Variants in TAF5 observed in about 807,000 individuals in gnomAD.
TAF5 encodes the protein transcription initiation factor TFIID subunit 5.
TAF5 carries 20 observed loss-of-function variants against 80.9 expected under a neutral mutation model. The observed-to-expected ratio is 0.25, with a 90% confidence interval of 0.17 to 0.36. The LOEUF (loss-of-function observed/expected upper bound fraction) is 0.36, where lower values mean the gene tolerates loss of function less well. Among genes scored for constraint, TAF5 ranks in the 10% least tolerant of loss-of-function variants. The pLI is 1.00. For missense variants in TAF5, 863 were observed against 1,029.4 expected (o/e 0.84, Z 2.21); for synonymous variants, 388 against 406.4 (o/e 0.95, Z 0.55).
rs2093349310 is a variant in TAF5, at chr10:103,368,122, A to G, written c.133A>G (p.Asn45Asp). ...CGGCGGCACTACCAACAACGGCCCC[A>G]ACGGCGGCGGCGGGAACGTTGCGGC... is the stretch of plus-strand genomic sequence containing the variant. ...GSGGTTNNGP[N>D]GGGGNVAASS... Residue 45 changes from asparagine to aspartate, a missense_variant, in exon 1 of 11, where the codon AAC (asparagine) becomes GAC (aspartate). Asn to Asp is a conservative substitution (Grantham distance 23). This residue lies in a region of TAF5 where 367 missense variants were observed against 335.5 expected (regional missense o/e 1.09). Transcript: ENST00000369839. 1 of 1,403,734 alleles carries G rather than the reference A, an allele frequency of 7.1e-7. No individual in the cohort carries two copies. Among genetic ancestry groups the G allele is most frequent in the Middle Eastern group, 1.9e-4 (1 of 5,390 alleles). The allele number at this position is 1,403,734 out of a possible 1,614,324, so 87.0% of individuals were successfully genotyped here.
At position 103,378,228 on chromosome 10, in the gene TAF5, G is replaced by A; in HGVS notation, c.798-7G>A. ...TGAAAAATGACTTTTTAAAATCACT[G>A]AAACAGGTTCCATGGAGATCAGGAA... is the stretch of plus-strand genomic sequence containing the variant. On this transcript the variant is annotated splice_region_variant and splice_polypyrimidine_tract_variant and intron_variant, in intron 2 of 10. Transcript: ENST00000369839. The surrounding 1 kb of genome is among the most constrained non-coding windows in gnomAD (Gnocchi z 4.1). 1 of 1,606,824 alleles carries A rather than the reference G, an allele frequency of 6.2e-7. No individual in the cohort carries two copies. Among genetic ancestry groups the A allele is most frequent in the Non-Finnish European group, 8.5e-7 (1 of 1,175,594 alleles).
At chr10:103,384,462 T>C (rs1282160498) in intron 7 of TAF5, among the ~76,000 whole-genome samples, 1 of 152,080 alleles carries the variant, frequency 6.6e-6, no homozygotes, top group Non-Finnish European at 1.5e-5. Flanking sequence ...AAATCCTGTC[T>C]CCACTAAAAA....
intron 1 of TAF5, 40 bp downstream of exon 1, chr10:103,368,588 G>A (rs1409710451): frequency 2.8e-6 from 4 of 1,452,698 alleles, no homozygotes; most frequent in Non-Finnish European, 2.7e-6. Flanking sequence ...CCGCCGCGAA[G>A]GGGAGCAAGC....
rs2093373763 is a variant in TAF5, at chr10:103,378,088, T to G, written c.798-147T>G. ...AAACTGAATTATAGTCATTTTGAAA[T>G]GAGTTACTTCTTATCCTACAGCTTA... is the stretch of plus-strand genomic sequence containing the variant. On this transcript the variant is annotated intron_variant, in intron 2 of 10. Coordinates refer to ENST00000369839, the MANE Select transcript of TAF5 (RefSeq NM_006951.5). The surrounding 1 kb of genome is among the most constrained non-coding windows in gnomAD (Gnocchi z 4.1). 2.0e-5 allele frequency: 12 copies of G among 597,680 alleles called. No homozygotes were observed. Among genetic ancestry groups the G allele is most frequent in the Middle Eastern group, 2.9e-4 (1 of 3,422 alleles). The allele number at this position is 597,680 out of a possible 1,614,324, so 37.0% of individuals were successfully genotyped here. A position where few individuals can be genotyped will look rare whatever the true frequency, so the allele number is the denominator to read the frequency against.
chr10:103,371,245 C>CA (rs142170443), intron 1 of TAF5, among the ~76,000 whole-genome samples: 2,475 of 108,198 alleles, frequency 0.023, 49 homozygotes, highest in African/African-American at 0.078. Context: ...TCCGTCTTTA[C>CA]AAAAAAAAAA....
At chr10:103,382,350 CAGTAGCTG>C (rs2093384785) in intron 6 of TAF5, among the ~76,000 whole-genome samples, 1 of 152,040 alleles carries the variant, frequency 6.6e-6, no homozygotes, top group Non-Finnish European at 1.5e-5. Flanking sequence ...CCCAGCTCCC[CAGTAGCTG>C]GGATTACAGG....
intron 9 of TAF5, 34 bp from the exon 10 acceptor site, chr10:103,387,487 C>A: frequency 6.3e-7 from 1 of 1,583,668 alleles, no homozygotes; most frequent in Non-Finnish European, 8.6e-7. Context: ...TTTTCCTAGA[C>A]ATACTTTGAT....
At chr10:103,385,925 CAAAAAAAAAAAAAA>C (rs761128565) in intron 8 of TAF5, among the ~76,000 whole-genome samples, 1 of 41,200 alleles carries the variant, frequency 2.4e-5, no homozygotes, top group South Asian at 9.1e-4. Context: ...GACTTCATCT[CAAAAAAAAAAAAAA>C]AAAAAAAAAA....
chr10:103,373,146 G>A (rs1345314681), intron 1 of TAF5, among the ~76,000 whole-genome samples: 2 of 150,968 alleles, frequency 1.3e-5, no homozygotes, highest in Non-Finnish European at 2.9e-5. Flanking sequence ...GCAGTGAGCC[G>A]AGATCTCCCC....
At position 103,379,594 on chromosome 10, in the gene TAF5, CT is replaced by C. The variant is rs763276550; in HGVS notation, c.1114-10del. 6.4e-7 allele frequency: 1 copy of C among 1,565,962 alleles called. No individual in the cohort carries two copies. The highest frequency in any genetic ancestry group is 8.6e-7 in the Non-Finnish European group (1 of 1,164,918). On this transcript the variant is annotated splice_polypyrimidine_tract_variant and intron_variant, in intron 3 of 10. Transcript: ENST00000369839. ...ATAAATAATTTTAAAAATGTTGGCT[CT>C]TTTGACTTGTAGGTATTTTTTGGTT...
chr10:103,370,360 C>G (rs2093356586), intron 1 of TAF5, among the ~76,000 whole-genome samples: 1 of 113,776 alleles, frequency 8.8e-6, no homozygotes, highest in Non-Finnish European at 1.7e-5. Flanking sequence ...GAGTCTCGCT[C>G]TGTCGGCCAG....
rs972053508 is a variant in TAF5, at chr10:103,378,203, T to C, written c.798-32T>C. On this transcript the variant is annotated intron_variant, in intron 2 of 10. Transcript: ENST00000369839. The surrounding 1 kb of genome is among the most constrained non-coding windows in gnomAD (Gnocchi z 4.1). ...AAGGCAGATCCCTTAATGATTACAT[T>C]GAAAAATGACTTTTTAAAATCACTG... The C allele has an allele frequency of 6.3e-7, 1 of 1,585,516 alleles. No homozygotes were observed. Among genetic ancestry groups the C allele is most frequent in the Non-Finnish European group, 8.6e-7 (1 of 1,163,230 alleles).
In TAF5 at chr10:103,369,498, A is replaced by G. The variant is rs185634542; in HGVS notation, c.559+950A>G. 3.0e-3 allele frequency among the ~76,000 whole-genome samples: 451 copies of G among 152,172 alleles called. 1 individual carries two copies. Among genetic ancestry groups the G allele is most frequent in the Non-Finnish European group, 3.9e-3 (262 of 68,018 alleles). On this transcript the variant is annotated intron_variant, in intron 1 of 10. Transcript: ENST00000369839. The stretch of plus-strand genomic sequence containing the variant: ...CTCAGCCTCCCGAATAGGTGGGACT[A>G]CTGGCACGCGCCACCACGCCCGGCT...
chr10:103,371,172 G>A (rs1321050138), intron 1 of TAF5, among the ~76,000 whole-genome samples: 1 of 151,744 alleles, frequency 6.6e-6, no homozygotes. Context: ...TAACCCAGGC[G>A]GCAGAAGTTG....
chr10:103,381,588 T>A, intron 5 of TAF5, 133 bp from the exon 6 acceptor site: 7 of 1,059,304 alleles, frequency 6.6e-6, no homozygotes, highest in Non-Finnish European at 8.1e-6. Flanking sequence ...TCAAGAATTT[T>A]AAAAGTCTTT....
intron 5 of TAF5, among the ~76,000 whole-genome samples, chr10:103,380,718 G>A (rs1283251952): frequency 6.6e-6 from 1 of 150,564 alleles, no homozygotes; most frequent in Non-Finnish European, 1.5e-5. Context: ...GGGTTCAAAC[G>A]ATTCTTGTGC....
In TAF5 at chr10:103,387,648, A is replaced by G; in HGVS notation, c.2135A>G (p.Asp712Gly). The change falls in exon 10 of 11, where the codon GAT becomes GGT. Residue 712 changes from aspartate to glycine, a missense_variant. Physicochemically the swap from Asp to Gly is moderately conservative, Grantham distance 94. Transcript: ENST00000369839. ...LMVGELKGHTDTVCSLRFSRD... is the reference protein window; with the variant it reads ...LMVGELKGHTGTVCSLRFSRD... ...GTTGGAGAATTAAAAGGCCACACTGATACAGTCTGTTCACTTAGGTTTAGT... is the reference window on the plus strand; with the variant it reads ...GTTGGAGAATTAAAAGGCCACACTGGTACAGTCTGTTCACTTAGGTTTAGT... 1 of 1,614,072 alleles carries G rather than the reference A, an allele frequency of 6.2e-7. No homozygotes were observed. Among genetic ancestry groups the G allele is most frequent in the Non-Finnish European group, 8.5e-7 (1 of 1,180,008 alleles).
chr10:103,373,662 T>C, intron 2 of TAF5, 67 bp downstream of exon 2: 1 of 1,214,928 alleles, frequency 8.2e-7, no homozygotes, highest in East Asian at 2.6e-5. Flanking sequence ...TGCATATGTT[T>C]TCACATCTGT....
intron 7 of TAF5, among the ~76,000 whole-genome samples, chr10:103,384,691 C>T (rs1007848918): frequency 1.3e-5 from 2 of 152,138 alleles, no homozygotes; most frequent in Non-Finnish European, 2.9e-5. Context: ...TTCATCATTA[C>T]GAAACTTTGA....
Sources: gnomAD v4.1 joint callset for allele counts (sites outside exome capture counted in the v4.1 genomes callset) on GRCh38, gnomAD v4.1.1 for gene constraint, gnomAD v4.1.1 regional missense constraint, Gnocchi (gnomAD v3.1) non-coding constraint, MANE v1.5 for transcripts, NCBI Gene and HGNC (gene_info 2026-07-23, HGNC 2026-07-21) for gene names.